Variants in ARHGEF28 observed in about 807,000 individuals in gnomAD.
The protein encoded by ARHGEF28 is Rho guanine nucleotide exchange factor 28.
In ARHGEF28, 152 loss-of-function variants were observed where a neutral mutation model predicts 206.6. The observed-to-expected ratio is 0.74, with a 90% confidence interval of 0.64 to 0.84. The LOEUF (loss-of-function observed/expected upper bound fraction) is 0.84, where lower values mean the gene tolerates loss of function less well. Among genes scored for constraint, ARHGEF28 ranks in the 40% least tolerant of loss-of-function variants. The pLI is 0.00. For synonymous variants in ARHGEF28, 763 were observed against 776.4 expected (o/e 0.98, Z 0.29); for missense variants, 2,028 against 2,073.2 (o/e 0.98, Z 0.42).
rs986770274 is a variant in ARHGEF28, at chr5:73,753,342, C to G, written c.475+140C>G. On this transcript the variant is annotated intron_variant, in intron 4 of 35. Transcript: ENST00000513042. ...CCTTGCTCTGATGTGGAGGGGCTCC[C>G]TGAGGTCCTGAGCCACTCATCTCTG... 2.6e-5 allele frequency: 22 copies of G among 862,498 alleles called. No homozygotes were observed. In the African/African-American group the frequency reaches 3.8e-4, roughly 15 times the overall value. The allele number at this position is 862,498 out of a possible 1,614,324, so 53.4% of individuals were successfully genotyped here.
chr5:73,728,988 G>C (rs961624610), intron 2 of ARHGEF28, among the ~76,000 whole-genome samples: 1 of 152,142 alleles, frequency 6.6e-6, no homozygotes, highest in Non-Finnish European at 1.5e-5. Flanking sequence ...ATGATAAGAG[G>C]CCTCATAAAT....
At chr5:73,666,874 G>A (rs1745988148) in intron 1 of ARHGEF28, among the ~76,000 whole-genome samples, 2 of 152,222 alleles carry the variant, frequency 1.3e-5, no homozygotes, top group African/African-American at 2.4e-5. Context: ...AGCATGCACA[G>A]TTGAGCTTCA....
chr5:73,656,752 C>T (rs1274162717), intron 1 of ARHGEF28, among the ~76,000 whole-genome samples: 18 of 152,176 alleles, frequency 1.2e-4, no homozygotes, highest in African/African-American at 1.9e-4. Context: ...GAAAAGTCAA[C>T]GTCCTTAGGA....
intron 1 of ARHGEF28, among the ~76,000 whole-genome samples, chr5:73,681,682 G>A (rs1747109957): frequency 1.3e-5 from 2 of 152,146 alleles, no homozygotes; most frequent in South Asian, 4.2e-4. Context: ...GGGCATGGTG[G>A]TGCATGCCTG....
intron 1 of ARHGEF28, among the ~76,000 whole-genome samples, chr5:73,651,951 C>T (rs1202242775): frequency 1.3e-5 from 2 of 152,142 alleles, no homozygotes; most frequent in Non-Finnish European, 2.9e-5. Flanking sequence ...TGTCATTGAC[C>T]TGTTTGTTTC....
intron 33 of ARHGEF28, among the ~76,000 whole-genome samples, chr5:73,906,205 A>G (rs1318087815): frequency 6.6e-6 from 1 of 152,080 alleles, no homozygotes; most frequent in Non-Finnish European, 1.5e-5. Flanking sequence ...TTCTATGCAT[A>G]TTTATATATC....
chr5:73,921,414 G>A (rs1408033349), intron 35 of ARHGEF28, among the ~76,000 whole-genome samples: 1 of 152,152 alleles, frequency 6.6e-6, no homozygotes, highest in African/African-American at 2.4e-5. Context: ...AATTTGCCAC[G>A]ATAAATCACT....
chr5:73,923,176 A>C, intron 35 of ARHGEF28: 2 of 1,534,370 alleles, frequency 1.3e-6, no homozygotes, highest in South Asian at 1.2e-5. Context: ...TAATACTGCA[A>C]GGGGGGTGCT....
rs547219463 is a variant in ARHGEF28 at position 73,812,165 on chromosome 5, G to A, written c.1024+16774G>A. 1.9e-3 allele frequency among the ~76,000 whole-genome samples: 288 copies of A among 152,140 alleles called. 2 individuals are homozygous for A. The highest frequency in any genetic ancestry group is 0.016 in the South Asian group (76 of 4,818). On this transcript the variant is annotated intron_variant, in intron 9 of 35. Transcript: ENST00000513042. Reference sequence around the variant, plus strand: ...TTTGATTTAAATTTGAAATTAAGTGGTCTCTCCCCTTTCTCCTCTTCTCCC... The same window carrying A: ...TTTGATTTAAATTTGAAATTAAGTGATCTCTCCCCTTTCTCCTCTTCTCCC...
At chr5:73,690,986 G>T (rs747461483) in intron 2 of ARHGEF28, among the ~76,000 whole-genome samples, 1 of 151,970 alleles carries the variant, frequency 6.6e-6, no homozygotes, top group Non-Finnish European at 1.5e-5. Flanking sequence ...GCTGGGGAGT[G>T]TAGTGCGATC....
chr5:73,669,665 A>G (rs1439701460), intron 1 of ARHGEF28, among the ~76,000 whole-genome samples: 1 of 150,230 alleles, frequency 6.7e-6, no homozygotes, highest in African/African-American at 2.5e-5. Flanking sequence ...TATCCATCTC[A>G]TTCAACTTTA....
intron 2 of ARHGEF28, among the ~76,000 whole-genome samples, chr5:73,735,693 C>T (rs1471648031): frequency 1.3e-5 from 2 of 152,310 alleles, no homozygotes; most frequent in East Asian, 3.9e-4. Flanking sequence ...GATTGTGTTA[C>T]TCCCCTGCTC....
In ARHGEF28 at chr5:73,909,894, C is replaced by T. The variant is rs866739147; in HGVS notation, c.4644C>T (p.Pro1548=). The T allele has an allele frequency of 2.0e-6, 3 of 1,506,696 alleles. No homozygotes were observed. The highest frequency in any genetic ancestry group is 2.3e-5 in the East Asian group (1 of 43,926). 93.3% of individuals were successfully genotyped at this position (1,506,696 alleles called of 1,614,324 possible). ...SLPAVLLPGG[P]EVMELNRSES... ...CCGCGGTGCTCCTTCCGGGTGGCCC[C>T]GAGGTATGGACCTTCTGCGGTGCTG... Residue 1548 remains proline, a synonymous_variant, in exon 34 of 36, where the codon CCC becomes CCT. Coordinates refer to ENST00000513042, the MANE Select transcript of ARHGEF28 (RefSeq NM_001177693.2).
At chr5:73,834,706 A>G (rs377691582) in intron 10 of ARHGEF28, among the ~76,000 whole-genome samples, 2 of 152,178 alleles carry the variant, frequency 1.3e-5, no homozygotes, top group Non-Finnish European at 2.9e-5. Flanking sequence ...ATTTAGATAT[A>G]TAAGTACTTA....
chr5:73,657,172 CA>C (rs76970237), intron 1 of ARHGEF28, among the ~76,000 whole-genome samples: 27,592 of 94,816 alleles, frequency 0.29, 2,139 homozygotes, highest in East Asian at 0.38. Context: ...GACTCCGTCC[CA>C]AAAAAAAAAA....
At chr5:73,756,252 G>C (rs546256480) in intron 4 of ARHGEF28, among the ~76,000 whole-genome samples, 1 of 152,352 alleles carries the variant, frequency 6.6e-6, no homozygotes, top group Non-Finnish European at 1.5e-5. Flanking sequence ...GTATGTGCAT[G>C]TGAATAAATT....
intron 3 of ARHGEF28, among the ~76,000 whole-genome samples, chr5:73,751,400 ACT>A (rs1752012711): frequency 6.6e-6 from 1 of 152,064 alleles, no homozygotes; most frequent in Non-Finnish European, 1.5e-5. Context: ...ACAGAGCGAG[ACT>A]CTGTCTCAAA....
At chr5:73,629,752 T>C (rs1033946778) in intron 1 of ARHGEF28, among the ~76,000 whole-genome samples, 3 of 152,162 alleles carry the variant, frequency 2.0e-5, no homozygotes, top group Non-Finnish European at 2.9e-5. Flanking sequence ...AATTGAATAG[T>C]GGGCATTTGT....
In ARHGEF28 at chr5:73,857,548, CACAT is replaced by C. The variant is rs1759122988; in HGVS notation, c.1791-102_1791-99del. 3.0e-5 allele frequency: 35 copies of C among 1,164,096 alleles called. No individual in the cohort carries two copies. In the South Asian group the frequency reaches 6.5e-4, roughly 22 times the overall value. The allele number at this position is 1,164,096 out of a possible 1,614,324, so 72.1% of individuals were successfully genotyped here. On this transcript the variant is annotated intron_variant, in intron 14 of 35. Transcript: ENST00000513042. ...CCACTAAAACCTGAAAAAATACATA[CACAT>C]ACATATATGTGTACACACACACACA... is the stretch of plus-strand genomic sequence containing the variant.
Sources: allele counts gnomAD v4.1 joint callset (sites outside exome capture counted in the v4.1 genomes callset), GRCh38; gene constraint gnomAD v4.1.1; transcripts MANE v1.5; gene names NCBI Gene and HGNC (gene_info 2026-07-23, HGNC 2026-07-21).